Variants in KIF13B observed in about 807,000 individuals in gnomAD.
KIF13B encodes the protein kinesin-like protein KIF13B.
A neutral mutation model predicts 222.0 loss-of-function variants in KIF13B; 127 were observed. The observed-to-expected ratio is 0.57, with a 90% CI of 0.50 to 0.66. KIF13B has a LOEUF of 0.66. KIF13B is among the 30% of genes least tolerant of loss of function. The pLI is 0.00. For synonymous variants in KIF13B, 976 were observed against 919.0 expected (o/e 1.06, Z -1.12); for missense variants, 2,173 against 2,379.0 (o/e 0.91, Z 1.80).
At chr8:29,212,605 T>C (rs1026303140) in intron 2 of KIF13B, among the ~76,000 whole-genome samples, 1 of 152,086 alleles carries the variant, frequency 6.6e-6, no homozygotes, top group Non-Finnish European at 1.5e-5. Flanking sequence ...GATTTTTCTG[T>C]TCCATATCTA....
chr8:29,120,166 G>GTTTTTTTT (rs57731633), intron 29 of KIF13B, among the ~76,000 whole-genome samples: 1 of 102,374 alleles, frequency 9.8e-6, no homozygotes, highest in African/African-American at 3.5e-5. Context: ...AAAAATGACA[G>GTTTTTTTT]TTTTTTTTTT....
In KIF13B at chr8:29,190,949, C is replaced by A. The variant is rs761705617; in HGVS notation, c.223+48G>T. ...ATCGTGTAAGGGAAAAAATACTGAA[C>A]CCCTCTTCTACACCATCAGTAGTTG... is the stretch of plus-strand genomic sequence containing the variant. On this transcript the variant is annotated intron_variant, in intron 4 of 39. Coordinates refer to ENST00000524189, the MANE Select transcript of KIF13B (RefSeq NM_015254.4). 4 of 1,447,760 alleles carry A rather than the reference C, an allele frequency of 2.8e-6. No individual in the cohort carries two copies. The African/African-American group carries it at 5.6e-5, about 20-fold the overall frequency. The allele number at this position is 1,447,760 out of a possible 1,614,324, so 89.7% of individuals were successfully genotyped here.
In KIF13B at chr8:29,132,324, G is replaced by A. The variant is rs756236026; in HGVS notation, c.2926C>T (p.Arg976Cys). 5.1e-6 allele frequency: 8 copies of A among 1,557,290 alleles called. No individual in the cohort carries two copies. The highest frequency in any genetic ancestry group is 2.4e-5 in the East Asian group (1 of 42,238). ...AATATTCACCTGTCCCGAAGACTAC[G>A]TGTCTTTGCTTGGATGATTCCCAAA... Reference protein sequence around the residue: ...WDLGIIQAKTRSLRDRWSEVT... With the variant: ...WDLGIIQAKTCSLRDRWSEVT... Residue 976 changes from arginine to cysteine, a missense_variant, in exon 23 of 40, where the codon CGT (arginine) becomes TGT (cysteine). Physicochemically the swap from Arg to Cys is radical, Grantham distance 180. Coordinates refer to ENST00000524189, the MANE Select transcript of KIF13B (RefSeq NM_015254.4).
chr8:29,070,442 G>T lies in KIF13B; in HGVS notation c.*62C>A. On this transcript the variant is annotated 3_prime_UTR_variant, in exon 40 of 40. Transcript: ENST00000524189. The surrounding 1 kb of genome is among the most constrained non-coding windows in gnomAD (Gnocchi z 4.1). Reference sequence around the variant, plus strand: ...ACCGGGCTCCTGGCTCCTCAGGGCTGTCACTGGCAGGGCTCAAAAGGGGCC... The same window carrying T: ...ACCGGGCTCCTGGCTCCTCAGGGCTTTCACTGGCAGGGCTCAAAAGGGGCC... 1.3e-6 allele frequency: 2 copies of T among 1,577,168 alleles called. No individual in the cohort carries two copies.
intron 2 of KIF13B, among the ~76,000 whole-genome samples, chr8:29,231,269 C>A (rs1408652517): frequency 2.0e-5 from 3 of 152,206 alleles, no homozygotes; most frequent in Non-Finnish European, 4.4e-5. Context: ...CATACGGGTT[C>A]GGCCTGATAA....
At chr8:29,112,074 CA>C (rs1366307278) in intron 32 of KIF13B, among the ~76,000 whole-genome samples, 1 of 152,238 alleles carries the variant, frequency 6.6e-6, no homozygotes, top group Non-Finnish European at 1.5e-5. Flanking sequence ...TACTATCCAA[CA>C]TGACTTGAGA....
At chr8:29,074,806 C>G (rs1420550045) in intron 38 of KIF13B, among the ~76,000 whole-genome samples, 2 of 152,218 alleles carry the variant, frequency 1.3e-5, no homozygotes, top group Non-Finnish European at 2.9e-5. Flanking sequence ...TACAGCATTT[C>G]CTAAGAGAAT....
intron 6 of KIF13B, among the ~76,000 whole-genome samples, chr8:29,185,859 C>T (rs1353430751): frequency 2.0e-5 from 3 of 152,332 alleles, no homozygotes; most frequent in African/African-American, 7.2e-5. Flanking sequence ...AGATACCGTG[C>T]ACTTTCCTCA....
intron 10 of KIF13B, among the ~76,000 whole-genome samples, chr8:29,170,948 T>A (rs943075919): frequency 6.7e-6 from 1 of 149,336 alleles, no homozygotes; most frequent in Non-Finnish European, 1.5e-5. Context: ...GACTTTATCC[T>A]AAGGGCCTAT....
intron 35 of KIF13B, among the ~76,000 whole-genome samples, chr8:29,100,062 T>C (rs1054507688): frequency 2.0e-5 from 3 of 152,238 alleles, no homozygotes; most frequent in Non-Finnish European, 4.4e-5. Context: ...TTTAAATAGA[T>C]ATTAAAGATA....
chr8:29,222,126 C>T (rs1303379327), intron 2 of KIF13B, among the ~76,000 whole-genome samples: 1 of 152,048 alleles, frequency 6.6e-6, no homozygotes, highest in Non-Finnish European at 1.5e-5. Flanking sequence ...GTAGGAAGGT[C>T]GCTTGAGCCC....
At chr8:29,183,954 C>T (rs1297424706) in intron 6 of KIF13B, among the ~76,000 whole-genome samples, 1 of 152,116 alleles carries the variant, frequency 6.6e-6, no homozygotes, top group Non-Finnish European at 1.5e-5. Context: ...AATAACCCTT[C>T]ATATAAACAG....
rs1810120468 is a variant in KIF13B at position 29,126,585 on chromosome 8, A to C, written c.3223-74T>G. On this transcript the variant is annotated intron_variant, in intron 25 of 39. Coordinates refer to ENST00000524189, the MANE Select transcript of KIF13B (RefSeq NM_015254.4). ...GAATCAGGCTACGCTAAACAATCTG[A>C]CTCTTTACCCATAATTTATATTTTC... 5.9e-6 allele frequency: 5 copies of C among 848,816 alleles called. No individual in the cohort carries two copies. In the Admixed American group the frequency reaches 8.9e-5, roughly 15 times the overall value. The allele number at this position is 848,816 out of a possible 1,614,324, so 52.6% of individuals were successfully genotyped here.
rs1816536003 is a variant in KIF13B at position 29,257,685 on chromosome 8, T to C, written c.55+5295A>G. Among the ~76,000 whole-genome samples, 5 of 152,168 alleles carry C rather than the reference T, an allele frequency of 3.3e-5. No homozygotes were observed. In the South Asian group the frequency reaches 1.0e-3, roughly 32 times the overall value. On this transcript the variant is annotated intron_variant, in intron 1 of 39. Coordinates refer to ENST00000524189, the MANE Select transcript of KIF13B (RefSeq NM_015254.4). ...AGACAGACATGGTTGTGCACACCTA[T>C]GTACCAACTCCACAGCAGGCTGCAG...
intron 1 of KIF13B, among the ~76,000 whole-genome samples, chr8:29,249,385 A>ACG (rs1387294968): frequency 6.7e-6 from 1 of 149,708 alleles, no homozygotes; most frequent in South Asian, 2.1e-4. Flanking sequence ...AGCCAAGATC[A>ACG]CGCCACTGCA....
intron 2 of KIF13B, among the ~76,000 whole-genome samples, chr8:29,199,155 CATGCT>C (rs147612518): frequency 0.089 from 13,555 of 151,682 alleles, 842 homozygotes; most frequent in Non-Finnish European, 0.13. Flanking sequence ...AGGTTACTGA[CATGCT>C]ATCATCTTTT....
intron 36 of KIF13B, among the ~76,000 whole-genome samples, chr8:29,095,770 A>AAAAAC (rs552018354): frequency 1.1e-4 from 16 of 152,330 alleles, no homozygotes; most frequent in Non-Finnish European, 1.9e-4. Context: ...TTCATCTCAA[A>AAAAAC]AAAACAAAAC....
rs532571189 is a variant in KIF13B, at chr8:29,085,002, A to G, written c.4458+7743T>C. ...AAAAACAAATCTCCATAAAAATGAG[A>G]AACATAAGTCCTTATGAATATGTTC... On this transcript the variant is annotated intron_variant, in intron 37 of 39. Coordinates refer to ENST00000524189, the MANE Select transcript of KIF13B (RefSeq NM_015254.4). 5.9e-5 allele frequency among the ~76,000 whole-genome samples: 9 copies of G among 152,402 alleles called. No homozygotes were observed. The South Asian group carries it at 1.9e-3, about 32-fold the overall frequency.
intron 2 of KIF13B, among the ~76,000 whole-genome samples, chr8:29,199,806 T>G (rs1490760360): frequency 6.6e-6 from 1 of 152,146 alleles, no homozygotes; most frequent in Non-Finnish European, 1.5e-5. Context: ...ATGTACTAAT[T>G]TCTCCCATTC....
Sources: allele counts gnomAD v4.1 joint callset (sites outside exome capture counted in the v4.1 genomes callset), GRCh38; gene constraint gnomAD v4.1.1; non-coding constraint Gnocchi (gnomAD v3.1); transcripts MANE v1.5; gene names NCBI Gene and HGNC (gene_info 2026-07-23, HGNC 2026-07-21).